The following CCSER1 variants were observed in gnomAD, a reference collection of about 807,000 sequenced individuals.
CCSER1 encodes serine-rich coiled-coil domain-containing protein 1.
CCSER1 carries 41 observed loss-of-function variants against 82.0 expected under a neutral mutation model. The ratio of observed to expected loss-of-function variants is 0.50; its 90% confidence interval spans 0.39 to 0.65. The LOEUF (loss-of-function observed/expected upper bound fraction) is 0.65. CCSER1 is among the 30% of genes least tolerant of loss of function. CCSER1 has a pLI of 0.00. For synonymous variants in CCSER1, 414 were observed against 383.9 expected, an observed-to-expected ratio of 1.08 and a Z score of -0.92; for missense variants, 1,119 against 1,064.2, an observed-to-expected ratio of 1.05 and a Z score of -0.72.
At chr4:91,508,169 T>TC (rs1168013244) in intron 10 of CCSER1, among the ~76,000 whole-genome samples, 2 of 145,836 alleles carry the variant, frequency 1.4e-5, no homozygotes, top group African/African-American at 2.5e-5. Flanking sequence ...TGGGTTTTTT[T>TC]TTTTTTTTTT....
chr4:90,672,762 A>T (rs138074167), intron 6 of CCSER1, among the ~76,000 whole-genome samples: 1 of 152,078 alleles, frequency 6.6e-6, no homozygotes, highest in East Asian at 1.9e-4. Flanking sequence ...CTTTCACTTG[A>T]ACACTTAGAC....
chr4:90,314,837 CTTTTTTTTTTTTTTT>C (rs765931168), intron 3 of CCSER1, among the ~76,000 whole-genome samples: 3 of 87,580 alleles, frequency 3.4e-5, no homozygotes, highest in Non-Finnish European at 6.9e-5. Flanking sequence ...CTCAGATTTA[CTTTTTTTTTTTTTTT>C]TTTTTTTTTT....
chr4:90,942,923 T>C lies in CCSER1; in HGVS notation c.2172+19476T>C, dbSNP rs965902968. Among the ~76,000 whole-genome samples, 5 of 147,204 alleles carry C rather than the reference T, an allele frequency of 3.4e-5. No individual in the cohort carries two copies. In the South Asian group the frequency reaches 1.0e-3, roughly 31 times the overall value. On this transcript the variant is annotated intron_variant, in intron 9 of 10. Transcript: ENST00000509176. ...ATATATATTATATATAAAATGTATA[T>C]ATTATATAATTTTTAAATTATTTTT... is the stretch of plus-strand genomic sequence containing the variant.
rs181842101 is a variant in CCSER1 at position 90,353,918 on chromosome 4, A to C, written c.1509+40871A>C. On this transcript the variant is annotated intron_variant, in intron 3 of 10. Transcript: ENST00000509176. Reference sequence around the variant, plus strand: ...AATAGATCTGTCATATGATCCAGTAATCCCTACTTCTGACTGTATATCTGA... The same window carrying C: ...AATAGATCTGTCATATGATCCAGTACTCCCTACTTCTGACTGTATATCTGA... Among the ~76,000 whole-genome samples the C allele has an allele frequency of 7.1e-3, 1,083 of 152,262 alleles. 5 individuals are homozygous for C. The highest frequency in any genetic ancestry group is 0.014 in the Admixed American group (213 of 15,298).
chr4:91,474,516 G>A (rs557973085), intron 10 of CCSER1, among the ~76,000 whole-genome samples: 69 of 151,396 alleles, frequency 4.6e-4, no homozygotes, highest in African/African-American at 1.5e-3. Flanking sequence ...TTGGGATAAT[G>A]ATTACATCAA....
chr4:90,426,829 CT>C (rs1757588842), intron 4 of CCSER1, among the ~76,000 whole-genome samples: 1 of 152,082 alleles, frequency 6.6e-6, no homozygotes, highest in African/African-American at 2.4e-5. Context: ...GAATTGGGAG[CT>C]GGCAATATGC....
At chr4:90,801,584 T>C (rs1358583310) in intron 7 of CCSER1, among the ~76,000 whole-genome samples, 2 of 152,186 alleles carry the variant, frequency 1.3e-5, no homozygotes, top group Non-Finnish European at 2.9e-5. Flanking sequence ...ACAATGCTAT[T>C]TCCTTATTTG....
In CCSER1 at chr4:90,912,399, C is replaced by A. The variant is rs139929787; in HGVS notation, c.2095-10971C>A. On this transcript the variant is annotated intron_variant, in intron 8 of 10. Coordinates refer to ENST00000509176, the MANE Select transcript of CCSER1 (RefSeq NM_001145065.2). ...AACAGGGTCTGGAGTGGACCTCCAG[C>A]AAACTCAACAGACCTGCAGCTGAGG... Among the ~76,000 whole-genome samples, 916 of 152,292 alleles carry A rather than the reference C, an allele frequency of 6.0e-3. 7 individuals are homozygous for A. The highest frequency in any genetic ancestry group is 0.021 in the African/African-American group (862 of 41,578).
chr4:91,293,544 C>A (rs897509870), intron 10 of CCSER1, among the ~76,000 whole-genome samples: 9 of 152,074 alleles, frequency 5.9e-5, no homozygotes, highest in South Asian at 2.1e-4. Flanking sequence ...GAAAATAAAT[C>A]ATCCCTTATA....
intron 10 of CCSER1, among the ~76,000 whole-genome samples, chr4:91,290,593 TGA>T (rs1280466651): frequency 6.6e-6 from 1 of 152,020 alleles, no homozygotes; most frequent in East Asian, 1.9e-4. Flanking sequence ...AAAATATGAA[TGA>T]TCTAGTACTT....
intron 1 of CCSER1, among the ~76,000 whole-genome samples, chr4:90,148,593 A>C (rs1413959718): frequency 6.6e-6 from 1 of 152,196 alleles, no homozygotes. Context: ...ACCTGCCATA[A>C]CAACCAGGAA....
chr4:90,441,881 G>A (rs749721236), intron 4 of CCSER1, among the ~76,000 whole-genome samples: 1 of 152,180 alleles, frequency 6.6e-6, no homozygotes, highest in African/African-American at 2.4e-5. Flanking sequence ...GACTAGCTAA[G>A]GAAAGTTCTC....
chr4:91,008,980 A>AC (rs1338906492), intron 9 of CCSER1, among the ~76,000 whole-genome samples: 1 of 152,174 alleles, frequency 6.6e-6, no homozygotes, highest in Non-Finnish European at 1.5e-5. Flanking sequence ...ATTAGGACGA[A>AC]CCCGGGCACT....
At chr4:90,860,802 A>C (rs536319268) in intron 8 of CCSER1, among the ~76,000 whole-genome samples, 30 of 151,874 alleles carry the variant, frequency 2.0e-4, no homozygotes, top group African/African-American at 7.2e-4. Context: ...TAAAATGTCC[A>C]CAATAGGCAA....
At position 90,932,964 on chromosome 4, in the gene CCSER1, AAGAAAGAAAGAAAGAAAG is replaced by A. The variant is rs1561384691; in HGVS notation, c.2172+9537_2172+9554del. Among the ~76,000 whole-genome samples, 51 of 46,506 alleles carry A rather than the reference AAGAAAGAAAGAAAGAAAG, an allele frequency of 1.1e-3. 2 individuals are homozygous for A. Among genetic ancestry groups the A allele is most frequent in the African/African-American group, 7.2e-3 (46 of 6,358 alleles). 30.5% of individuals were successfully genotyped at this position (46,506 alleles called of 152,430 possible). ...AAAGAAAGAAAGAAAGAAAGAAAGA[AAGAAAGAAAGAAAGAAAG>A]AGAAAGAAAGAAAGAAAGAAAGAAA... On this transcript the variant is annotated intron_variant, in intron 9 of 10. Coordinates refer to ENST00000509176, the MANE Select transcript of CCSER1 (RefSeq NM_001145065.2).
intron 10 of CCSER1, among the ~76,000 whole-genome samples, chr4:91,259,586 C>G (rs1397858203): frequency 4.6e-5 from 7 of 151,458 alleles, no homozygotes; most frequent in Non-Finnish European, 5.9e-5. Context: ...TGCTCTCCCT[C>G]CCCTAGCCCC....
intron 10 of CCSER1, among the ~76,000 whole-genome samples, chr4:91,594,683 A>AGTTT (rs1231064588): frequency 1.3e-5 from 2 of 152,000 alleles, no homozygotes; most frequent in African/African-American, 4.8e-5. Flanking sequence ...TGATTGTTAG[A>AGTTT]GTTTCTTCAA....
intron 10 of CCSER1, among the ~76,000 whole-genome samples, chr4:91,114,566 G>A (rs1258922736): frequency 6.6e-6 from 1 of 152,178 alleles, no homozygotes; most frequent in Non-Finnish European, 1.5e-5. Context: ...CTGTCAGAAA[G>A]AATGATGAGA....
At chr4:90,805,465 T>A (rs1408765194) in intron 7 of CCSER1, among the ~76,000 whole-genome samples, 1 of 152,180 alleles carries the variant, frequency 6.6e-6, no homozygotes, top group Non-Finnish European at 1.5e-5. Flanking sequence ...AGGAGCATTA[T>A]AACTGACCAT....
Sources: allele counts gnomAD v4.1 joint callset (sites outside exome capture counted in the v4.1 genomes callset), GRCh38; gene constraint gnomAD v4.1.1; transcripts MANE v1.5; gene names NCBI Gene and HGNC (gene_info 2026-07-23, HGNC 2026-07-21).